Variants in ACVR2A observed in about 807,000 individuals in gnomAD.
The protein encoded by ACVR2A is activin receptor type-2A.
In ACVR2A, 7 loss-of-function variants were observed where a neutral mutation model predicts 61.4. The ratio of observed to expected loss-of-function variants is 0.11; its 90% CI spans 0.06 to 0.21. The LOEUF (loss-of-function observed/expected upper bound fraction) is 0.21. Ranked by LOEUF, ACVR2A falls within the 10% of genes least tolerant of loss-of-function variation. The pLI is 1.00. For synonymous variants in ACVR2A, 193 were observed against 208.3 expected (o/e 0.93, Z 0.63); for missense variants, 322 against 621.7 (o/e 0.52, Z 5.13).
intron 1 of ACVR2A, among the ~76,000 whole-genome samples, chr2:147,868,882 C>A (rs1464397227): frequency 6.6e-6 from 1 of 152,096 alleles, no homozygotes; most frequent in Non-Finnish European, 1.5e-5. Flanking sequence ...GTTCTCCTGT[C>A]TTGGTCCCTC....
intron 1 of ACVR2A, among the ~76,000 whole-genome samples, chr2:147,855,901 G>A (rs957076037): frequency 6.6e-6 from 1 of 151,928 alleles, no homozygotes; most frequent in Non-Finnish European, 1.5e-5. Flanking sequence ...TCCTTTTCAG[G>A]TGTCTATTTT....
intron 1 of ACVR2A, among the ~76,000 whole-genome samples, chr2:147,856,972 G>T (rs1052688399): frequency 7.9e-5 from 12 of 152,138 alleles, no homozygotes; most frequent in African/African-American, 2.9e-4. Flanking sequence ...TATTAGCTGA[G>T]AGGGTTAGAA....
At chr2:147,876,227 A>G (rs935549530) in intron 1 of ACVR2A, among the ~76,000 whole-genome samples, 2 of 151,894 alleles carry the variant, frequency 1.3e-5, no homozygotes, top group African/African-American at 4.8e-5. Flanking sequence ...CAGTCTACTC[A>G]CTGTTATTCT....
intron 1 of ACVR2A, among the ~76,000 whole-genome samples, chr2:147,871,573 A>G (rs1686019299): frequency 6.6e-6 from 1 of 152,110 alleles, no homozygotes; most frequent in South Asian, 2.1e-4. Flanking sequence ...GTGAAGAAAA[A>G]GTAAAAAGAA....
Position 147,881,033 on chromosome 2 carries a change from A to G in ACVR2A, c.56-15268A>G, listed in dbSNP as rs573809841. ...CTTACTTATATTGGTTAAAATGAGA[A>G]GAAAGCAGGTCTTTTCTTAAAACCA... On this transcript the variant is annotated intron_variant, in intron 1 of 10. Coordinates refer to ENST00000241416, the MANE Select transcript of ACVR2A (RefSeq NM_001616.5). Among the ~76,000 whole-genome samples, 62 of 152,338 alleles carry G rather than the reference A, an allele frequency of 4.1e-4. 1 individual carries two copies. Among genetic ancestry groups the G allele is most frequent in the Middle Eastern group, 3.4e-3 (1 of 294 alleles).
chr2:147,854,481 C>T (rs578110283), intron 1 of ACVR2A, among the ~76,000 whole-genome samples: 1 of 152,258 alleles, frequency 6.6e-6, no homozygotes, highest in South Asian at 2.1e-4. Context: ...AATGACTGTA[C>T]TTTGAGATCA....
intron 1 of ACVR2A, among the ~76,000 whole-genome samples, chr2:147,860,769 T>C (rs1412713588): frequency 1.3e-5 from 2 of 152,128 alleles, no homozygotes; most frequent in Non-Finnish European, 2.9e-5. Flanking sequence ...CCAGGCCGAG[T>C]TGGGATTCTT....
intron 1 of ACVR2A, among the ~76,000 whole-genome samples, chr2:147,851,541 A>G (rs1685450871): frequency 6.6e-6 from 1 of 152,096 alleles, no homozygotes; most frequent in Admixed American, 6.5e-5. Flanking sequence ...CCTTTATTGT[A>G]TATCAGTATG....
chr2:147,849,625 C>G (rs1685399688), intron 1 of ACVR2A, among the ~76,000 whole-genome samples: 1 of 152,110 alleles, frequency 6.6e-6, no homozygotes, highest in Non-Finnish European at 1.5e-5. Context: ...TTGTTTTGAA[C>G]TCTGGTTTTA....
intron 2 of ACVR2A, among the ~76,000 whole-genome samples, chr2:147,897,844 AT>A (rs1686778505): frequency 6.6e-6 from 1 of 152,174 alleles, no homozygotes; most frequent in African/African-American, 2.4e-5. Flanking sequence ...TTTTAGCTGC[AT>A]TTCTGATTAT....
chr2:147,851,313 T>C (rs1248932824), intron 1 of ACVR2A, among the ~76,000 whole-genome samples: 2 of 152,096 alleles, frequency 1.3e-5, no homozygotes, highest in Admixed American at 1.3e-4. Flanking sequence ...ATAGACCTAA[T>C]TGGTTTAAAT....
chr2:147,915,364 A>G (rs777114262), intron 5 of ACVR2A, 30 bp downstream of exon 5: 31 of 1,609,256 alleles, frequency 1.9e-5, no homozygotes, highest in Non-Finnish European at 2.4e-5. Flanking sequence ...GTCATCTTAC[A>G]TACATGTTTT....
At chr2:147,896,972 T>C (rs1223675024) in intron 2 of ACVR2A, 1 of 115,114 alleles carries the variant, frequency 8.7e-6, no homozygotes, top group East Asian at 3.1e-4. Context: ...CGCCCCTTTT[T>C]TTTTTCTTGC....
At chr2:147,859,489 C>CA (rs74267449) in intron 1 of ACVR2A, among the ~76,000 whole-genome samples, 6,931 of 91,396 alleles carry the variant, frequency 0.076, 185 homozygotes, top group Middle Eastern at 0.16. Flanking sequence ...TCACCACAGA[C>CA]AAAAAAAAAA....
At chr2:147,887,198 C>T (rs528732864) in intron 1 of ACVR2A, among the ~76,000 whole-genome samples, 22 of 147,684 alleles carry the variant, frequency 1.5e-4, no homozygotes, top group Non-Finnish European at 2.7e-4. Flanking sequence ...GGCTATAGAG[C>T]GAGATCTTGT....
intron 1 of ACVR2A, among the ~76,000 whole-genome samples, chr2:147,889,493 C>T (rs1408122842): frequency 6.6e-6 from 1 of 152,064 alleles, no homozygotes; most frequent in African/African-American, 2.4e-5. Context: ...GCCTGTAATC[C>T]CAGCACTTTG....
chr2:147,901,719 T>C (rs1308462297), intron 4 of ACVR2A, among the ~76,000 whole-genome samples: 1 of 152,014 alleles, frequency 6.6e-6, no homozygotes, highest in Non-Finnish European at 1.5e-5. Flanking sequence ...CCTGGTGTGG[T>C]CAAGCTTTGG....
rs1685839345 is a variant in ACVR2A at position 147,865,866 on chromosome 2, C to A, written c.55+20659C>A. 2.0e-5 allele frequency among the ~76,000 whole-genome samples: 3 copies of A among 152,244 alleles called. No homozygotes were observed. In the South Asian group the frequency reaches 6.2e-4, roughly 32 times the overall value. On this transcript the variant is annotated intron_variant, in intron 1 of 10. Coordinates refer to ENST00000241416, the MANE Select transcript of ACVR2A (RefSeq NM_001616.5). Reference sequence around the variant, plus strand: ...TCTATGTTAGAGTCCCTTGGGATAGCAGAAGCAGCTTTTGGAGTGGGGTCA... The same window carrying A: ...TCTATGTTAGAGTCCCTTGGGATAGAAGAAGCAGCTTTTGGAGTGGGGTCA...
intron 4 of ACVR2A, among the ~76,000 whole-genome samples, chr2:147,910,920 A>G (rs1049321378): frequency 1.3e-5 from 2 of 152,076 alleles, no homozygotes; most frequent in Non-Finnish European, 2.9e-5. Flanking sequence ...GTTTCTTGCC[A>G]TGGTGTATTA....
Sources: allele counts gnomAD v4.1 joint callset (sites outside exome capture counted in the v4.1 genomes callset), GRCh38; gene constraint gnomAD v4.1.1; transcripts MANE v1.5; gene names NCBI Gene and HGNC (gene_info 2026-07-23, HGNC 2026-07-21).